Variants in ARHGAP21 observed in about 807,000 individuals in gnomAD.
The protein encoded by ARHGAP21 is rho GTPase-activating protein 21.
ARHGAP21 carries 38 observed loss-of-function variants against 164.6 expected under a neutral mutation model. The ratio of observed to expected loss-of-function variants is 0.23; its 90% confidence interval spans 0.18 to 0.30. The LOEUF is 0.30. ARHGAP21 is among the 10% of genes least tolerant of loss of function. The pLI, the probability that ARHGAP21 is intolerant of heterozygous loss-of-function variation, is 1.00. For missense variants in ARHGAP21, 1,822 were observed against 2,370.7 expected (o/e 0.77, Z 4.81); for synonymous variants, 766 against 857.9 (o/e 0.89, Z 1.87).
intron 6 of ARHGAP21, 143 bp downstream of exon 6, chr10:24,633,259 T>C: frequency 1.8e-6 from 1 of 555,560 alleles, no homozygotes; most frequent in Non-Finnish European, 3.0e-6. Flanking sequence ...CCTTGGCAAC[T>C]CTCAAATGCA....
chr10:24,639,261 T>G (rs1836727003), intron 4 of ARHGAP21, among the ~76,000 whole-genome samples: 2 of 152,178 alleles, frequency 1.3e-5, no homozygotes, highest in African/African-American at 2.4e-5. Flanking sequence ...CAAGTTTAAT[T>G]GAGCATTCTG....
intron 21 of ARHGAP21, among the ~76,000 whole-genome samples, chr10:24,592,283 G>C (rs1036358609): frequency 6.7e-6 from 1 of 150,042 alleles, no homozygotes; most frequent in Non-Finnish European, 1.5e-5. Flanking sequence ...GGCAGGTCTC[G>C]AAATCGTGGA....
rs534780715 is a variant in ARHGAP21 at position 24,718,896 on chromosome 10, T to C, written c.63+2941A>G. The stretch of plus-strand genomic sequence containing the variant: ...TAAAAAATGAAATAAATGTTAGAAA[T>C]GGAAAAAAAATCATGTGGTTAAGAA... On this transcript the variant is annotated intron_variant, in intron 2 of 25. Transcript: ENST00000396432. Among the ~76,000 whole-genome samples the C allele has an allele frequency of 1.9e-4, 29 of 151,730 alleles. No individual in the cohort carries two copies. In the South Asian group the frequency reaches 6.0e-3, roughly 32 times the overall value.
intron 7 of ARHGAP21, among the ~76,000 whole-genome samples, chr10:24,623,470 T>C (rs1834775637): frequency 6.6e-6 from 1 of 152,202 alleles, no homozygotes. Context: ...CCATATAAAA[T>C]AAAATATGTC....
rs375430948 is a variant in ARHGAP21, at chr10:24,585,441, C to T, written c.4848G>A (p.Gly1616=). ...PEVQSVAESK[G]DEADDERSEL... The stretch of plus-strand genomic sequence containing the variant: ...CGCTTCTCTCGTCATCTGCCTCGTC[C>T]CCCTTGCTCTCTGCCACGGATTGCA... The change falls in exon 26 of 26, where the codon GGG becomes GGA. Residue 1616 remains glycine, a synonymous_variant. Transcript: ENST00000396432. 21 of 1,613,980 alleles carry T rather than the reference C, an allele frequency of 1.3e-5. No individual in the cohort carries two copies. In the African/African-American group the frequency reaches 2.7e-4, roughly 21 times the overall value.
intron 7 of ARHGAP21, among the ~76,000 whole-genome samples, chr10:24,623,965 T>C (rs2131233101): frequency 6.6e-6 from 1 of 152,326 alleles, no homozygotes; most frequent in East Asian, 1.9e-4. Flanking sequence ...AATAGAAGTA[T>C]ACGGCTGGAA....
At chr10:24,634,394 C>G (rs1226422748) in intron 5 of ARHGAP21, among the ~76,000 whole-genome samples, 2 of 151,982 alleles carry the variant, frequency 1.3e-5, no homozygotes, top group Admixed American at 1.3e-4. Flanking sequence ...TTTAAATTGT[C>G]TAATGTTTAA....
chr10:24,703,754 AC>A (rs1843939453), intron 2 of ARHGAP21, among the ~76,000 whole-genome samples: 1 of 151,674 alleles, frequency 6.6e-6, no homozygotes. Flanking sequence ...GTTTTCTCTC[AC>A]CCATACTTCT....
At chr10:24,657,864 A>G (rs1442552756) in intron 4 of ARHGAP21, among the ~76,000 whole-genome samples, 8 of 129,904 alleles carry the variant, frequency 6.2e-5, no homozygotes, top group African/African-American at 2.1e-4. Context: ...ATGCTCGTTA[A>G]GAGTCATCAC....
chr10:24,702,681 G>A (rs1231963988), intron 2 of ARHGAP21, among the ~76,000 whole-genome samples: 2 of 151,536 alleles, frequency 1.3e-5, no homozygotes, highest in Non-Finnish European at 2.9e-5. Context: ...CCACTTCCCC[G>A]GCTCAAGCAA....
Position 24,700,203 on chromosome 10 carries a change from G to A in ARHGAP21, c.63+21634C>T, listed in dbSNP as rs60363269. ...CCATCTGTGCATTTTGGCAATGCCC[G>A]TTGTGTCCCTGCACATATTAGTGTC... On this transcript the variant is annotated intron_variant, in intron 2 of 25. Coordinates refer to ENST00000396432, the MANE Select transcript of ARHGAP21 (RefSeq NM_020824.4). Among the ~76,000 whole-genome samples, 286 of 152,272 alleles carry A rather than the reference G, an allele frequency of 1.9e-3. 1 individual carries two copies. Among genetic ancestry groups the A allele is most frequent in the East Asian group, 0.013 (66 of 5,176 alleles).
chr10:24,652,831 ACGGTC>A (rs1838328180), intron 4 of ARHGAP21, among the ~76,000 whole-genome samples: 1 of 152,224 alleles, frequency 6.6e-6, no homozygotes, highest in South Asian at 2.1e-4. Context: ...GTAAATGGGT[ACGGTC>A]CCCTCAGAAA....
At chr10:24,612,732 A>G (rs1024471321) in intron 9 of ARHGAP21, among the ~76,000 whole-genome samples, 4 of 152,042 alleles carry the variant, frequency 2.6e-5, no homozygotes, top group African/African-American at 4.8e-5. Flanking sequence ...GCGGACGCCT[A>G]TAGTCCCAGC....
intron 4 of ARHGAP21, among the ~76,000 whole-genome samples, chr10:24,653,388 C>T (rs1396095317): frequency 2.6e-5 from 4 of 152,036 alleles, no homozygotes; most frequent in Non-Finnish European, 4.4e-5. Context: ...TCCTGGCTAA[C>T]ACGGTGAAAC....
intron 14 of ARHGAP21, among the ~76,000 whole-genome samples, chr10:24,599,489 TA>T (rs1215043052): frequency 6.6e-6 from 1 of 152,228 alleles, no homozygotes; most frequent in African/African-American, 2.4e-5. Flanking sequence ...TCCTATGGTG[TA>T]ACGTTTTAAT....
rs774220442 is a variant in ARHGAP21, at chr10:24,602,081, G to A, written c.2744C>T (p.Ser915Leu). The change falls in exon 13 of 26, where the codon TCA (serine) becomes TTA (leucine). Residue 915 changes from serine to leucine, a missense_variant. Transcript: ENST00000396432. Reference sequence around the variant, plus strand: ...ATCTTTTCTGGACCCAGAGTCTTCTGATGACTTTTGGCTGTCTGCGATCTA... The same window carrying A: ...ATCTTTTCTGGACCCAGAGTCTTCTAATGACTTTTGGCTGTCTGCGATCTA... The part of the protein sequence containing the change: ...GIKIADSQKS[S>L]EDSGSRKDSS... The A allele has an allele frequency of 1.9e-6, 3 of 1,613,432 alleles. No homozygotes were observed. The highest frequency in any genetic ancestry group is 2.2e-5 in the South Asian group (2 of 90,958).
chr10:24,665,861 G>C (rs185221969), intron 4 of ARHGAP21, among the ~76,000 whole-genome samples: 68 of 152,252 alleles, frequency 4.5e-4, no homozygotes, highest in Middle Eastern at 3.4e-3. Flanking sequence ...TACAAGGAAA[G>C]ACTAAAGGGA....
chr10:24,610,844 AC>A (rs2077226847), intron 9 of ARHGAP21, among the ~76,000 whole-genome samples: 2 of 152,244 alleles, frequency 1.3e-5, no homozygotes, highest in African/African-American at 2.4e-5. Context: ...CACTAAAATC[AC>A]AGTGGAAAGA....
chr10:24,664,383 C>G (rs1839980032), intron 4 of ARHGAP21, among the ~76,000 whole-genome samples: 1 of 151,866 alleles, frequency 6.6e-6, no homozygotes, highest in East Asian at 1.9e-4. Flanking sequence ...GGTGAAACCC[C>G]GTTTCTACTA....
Sources: allele counts gnomAD v4.1 joint callset (sites outside exome capture counted in the v4.1 genomes callset), GRCh38; gene constraint gnomAD v4.1.1; transcripts MANE v1.5; gene names NCBI Gene and HGNC (gene_info 2026-07-23, HGNC 2026-07-21).